The following CDH12 variants were observed in gnomAD, a reference collection of about 807,000 sequenced individuals.
CDH12 encodes cadherin 12.
CDH12 carries 41 observed loss-of-function variants against 74.1 expected under a neutral mutation model. The ratio of observed to expected loss-of-function variants is 0.55; its 90% confidence interval spans 0.43 to 0.72. The LOEUF (loss-of-function observed/expected upper bound fraction) is 0.72. Ranked by LOEUF, CDH12 falls within the 30% of genes least tolerant of loss-of-function variation. The pLI, the probability that CDH12 is intolerant of heterozygous loss-of-function variation, is 0.00. For missense variants in CDH12, 945 were observed against 977.2 expected (o/e 0.97, Z 0.44); for synonymous variants, 399 against 355.0 (o/e 1.12, Z -1.39).
At chr5:22,280,720 G>T (rs933596731) in intron 3 of CDH12, among the ~76,000 whole-genome samples, 7 of 152,214 alleles carry the variant, frequency 4.6e-5, no homozygotes, top group African/African-American at 1.7e-4. Flanking sequence ...CTGAAATTGA[G>T]GCAATAATTA....
At chr5:22,030,758 T>A (rs573164193) in intron 5 of CDH12, among the ~76,000 whole-genome samples, 44 of 152,348 alleles carry the variant, frequency 2.9e-4, no homozygotes, top group Admixed American at 5.2e-4. Context: ...TAGCCTCTTC[T>A]TCCAACAGAA....
chr5:22,425,171 A>ATTT (rs1491469008), intron 2 of CDH12, among the ~76,000 whole-genome samples: 1 of 99,182 alleles, frequency 1.0e-5, no homozygotes, highest in East Asian at 3.6e-4. Context: ...ATATATATAT[A>ATTT]AATATATATA....
chr5:22,317,249 C>T (rs979466196), intron 3 of CDH12, among the ~76,000 whole-genome samples: 2 of 151,702 alleles, frequency 1.3e-5, no homozygotes, highest in Non-Finnish European at 2.9e-5. Context: ...ACCTGGGAGG[C>T]GGAGATTGCA....
At chr5:22,461,594 T>C (rs1465457772) in intron 2 of CDH12, among the ~76,000 whole-genome samples, 2 of 151,968 alleles carry the variant, frequency 1.3e-5, no homozygotes, top group Non-Finnish European at 2.9e-5. Context: ...AATGTGTATA[T>C]GAATAATATG....
At chr5:22,623,015 C>T (rs1433233181) in intron 1 of CDH12, among the ~76,000 whole-genome samples, 2 of 152,164 alleles carry the variant, frequency 1.3e-5, no homozygotes, top group East Asian at 3.9e-4. Context: ...ACTGGTTCAA[C>T]ATACGCAAAT....
chr5:22,776,573 A>C (rs1279426037), intron 1 of CDH12, among the ~76,000 whole-genome samples: 1 of 152,140 alleles, frequency 6.6e-6, no homozygotes, highest in African/African-American at 2.4e-5. Flanking sequence ...ATGAGGAAGG[A>C]TTTTCAGAAA....
intron 1 of CDH12, among the ~76,000 whole-genome samples, chr5:22,786,915 T>C (rs1200893863): frequency 6.6e-6 from 1 of 152,030 alleles, no homozygotes; most frequent in Non-Finnish European, 1.5e-5. Flanking sequence ...AAACGGGGTT[T>C]CACCATGTTG....
intron 1 of CDH12, among the ~76,000 whole-genome samples, chr5:22,571,878 C>T (rs1000414933): frequency 6.6e-6 from 1 of 152,052 alleles, no homozygotes; most frequent in African/African-American, 2.4e-5. Flanking sequence ...ACTATTACAA[C>T]AGTAACATCA....
chr5:22,730,977 ATGT>A (rs1293245499), intron 1 of CDH12, among the ~76,000 whole-genome samples: 1 of 151,780 alleles, frequency 6.6e-6, no homozygotes, highest in Non-Finnish European at 1.5e-5. Flanking sequence ...GATTAGAAAG[ATGT>A]TGTTGCTAAG....
chr5:22,707,433 T>C (rs758229913), intron 1 of CDH12, among the ~76,000 whole-genome samples: 2 of 152,194 alleles, frequency 1.3e-5, no homozygotes, highest in Non-Finnish European at 2.9e-5. Context: ...ATGTCATGTT[T>C]TAGTCAGGAA....
chr5:21,892,128 T>G (rs1382216662), intron 6 of CDH12, among the ~76,000 whole-genome samples: 1 of 152,182 alleles, frequency 6.6e-6, no homozygotes, highest in African/African-American at 2.4e-5. Flanking sequence ...AAAATAAGAA[T>G]AATTACAGAT....
intron 4 of CDH12, among the ~76,000 whole-genome samples, chr5:22,171,871 T>A (rs1749049883): frequency 6.6e-6 from 1 of 151,900 alleles, no homozygotes; most frequent in Admixed American, 6.6e-5. Context: ...AAAGACAAAT[T>A]GTGCAAGGTT....
chr5:22,550,341 C>A (rs1738513156), intron 1 of CDH12, among the ~76,000 whole-genome samples: 1 of 152,168 alleles, frequency 6.6e-6, no homozygotes, highest in Admixed American at 6.5e-5. Flanking sequence ...CATTGCCAAT[C>A]TGACAAATCT....
At position 22,533,423 on chromosome 5, in the gene CDH12, A is replaced by G. The variant is rs188865512; in HGVS notation, c.-522-28059T>C. ...AAAAAAATTCTCTGTAGTTTTGAAG[A>G]GCAAAAATTCTGAGTCAAGAGACTT... On this transcript the variant is annotated intron_variant, in intron 1 of 14. Transcript: ENST00000382254. Among the ~76,000 whole-genome samples, 154 of 152,308 alleles carry G rather than the reference A, an allele frequency of 1.0e-3. 1 individual carries two copies. The highest frequency in any genetic ancestry group is 3.5e-3 in the African/African-American group (144 of 41,564).
chr5:21,913,090 G>T (rs532440896), intron 6 of CDH12, among the ~76,000 whole-genome samples: 2 of 152,218 alleles, frequency 1.3e-5, no homozygotes, highest in South Asian at 4.2e-4. Context: ...TGATCTGCCG[G>T]CCTTGGCCTC....
chr5:22,222,222 G>T (rs1752042180), intron 3 of CDH12, among the ~76,000 whole-genome samples: 1 of 151,902 alleles, frequency 6.6e-6, no homozygotes, highest in Non-Finnish European at 1.5e-5. Flanking sequence ...ACTCTTTGGG[G>T]AATTAGATTT....
intron 1 of CDH12, among the ~76,000 whole-genome samples, chr5:22,840,500 T>C (rs548316666): frequency 6.7e-6 from 1 of 150,168 alleles, no homozygotes; most frequent in South Asian, 2.1e-4. Context: ...CAGTGATTTA[T>C]ATATATTATA....
At chr5:22,104,347 A>T (rs1744311232) in intron 4 of CDH12, among the ~76,000 whole-genome samples, 1 of 152,198 alleles carries the variant, frequency 6.6e-6, no homozygotes, top group Admixed American at 6.5e-5. Context: ...AAGTTCCACA[A>T]ATGTCCACTT....
At chr5:22,798,755 A>G (rs1480880786) in intron 1 of CDH12, among the ~76,000 whole-genome samples, 2 of 152,174 alleles carry the variant, frequency 1.3e-5, no homozygotes, top group East Asian at 1.9e-4. Context: ...TCAAGTAATT[A>G]TAAGTATAGT....
Sources: allele counts gnomAD v4.1 joint callset (sites outside exome capture counted in the v4.1 genomes callset), GRCh38; gene constraint gnomAD v4.1.1; transcripts MANE v1.5; gene names NCBI Gene and HGNC (gene_info 2026-07-23, HGNC 2026-07-21).